The following RUFY1 variants were observed in gnomAD, a reference collection of about 807,000 sequenced individuals.
RUFY1 encodes the protein RUN and FYVE domain-containing protein 1.
Under a neutral mutation model 94.6 loss-of-function variants are expected in RUFY1, and 54 were observed. That is an observed-to-expected ratio of 0.57 (90% CI 0.46 to 0.72). RUFY1 has a LOEUF of 0.72. Among genes scored for constraint, RUFY1 ranks in the 30% least tolerant of loss-of-function variants. The pLI is 0.00. For synonymous variants in RUFY1, 396 were observed against 347.3 expected (o/e 1.14, Z -1.56); for missense variants, 883 against 883.9 (o/e 1.00, Z 0.01).
intron 1 of RUFY1, among the ~76,000 whole-genome samples, chr5:179,551,968 A>T (rs1341326209): frequency 6.6e-6 from 1 of 151,226 alleles, no homozygotes; most frequent in Non-Finnish European, 1.5e-5. Flanking sequence ...GATCGAGACC[A>T]TCCTGGCCAA....
chr5:179,609,227 A>AAAC, intron 17 of RUFY1, 149 bp from the exon 18 acceptor site: 1 of 601,086 alleles, frequency 1.7e-6, no homozygotes, highest in Non-Finnish European at 2.7e-6. Flanking sequence ...AAAAAAAAAG[A>AAAC]CCCTTGTTTG....
chr5:179,578,993 A>G (rs573065926), intron 6 of RUFY1, among the ~76,000 whole-genome samples: 1 of 152,218 alleles, frequency 6.6e-6, no homozygotes, highest in African/African-American at 2.4e-5. Flanking sequence ...TTTTACTTTC[A>G]TATGTATGCA....
At chr5:179,558,666 T>G (rs1023716336) in intron 1 of RUFY1, among the ~76,000 whole-genome samples, 1 of 152,186 alleles carries the variant, frequency 6.6e-6, no homozygotes, top group Non-Finnish European at 1.5e-5. Flanking sequence ...CTTAGGCTGT[T>G]TCTTCTTGCC....
intron 11 of RUFY1, among the ~76,000 whole-genome samples, chr5:179,594,320 C>T (rs1224515461): frequency 6.6e-6 from 1 of 150,796 alleles, no homozygotes; most frequent in African/African-American, 2.4e-5. Flanking sequence ...AAAAAAAAGT[C>T]ATTTAGTATT....
intron 1 of RUFY1, chr5:179,555,781 C>T: frequency 3.4e-6 from 1 of 291,476 alleles, no homozygotes; most frequent in Non-Finnish European, 6.8e-6. Context: ...GCATGCACCA[C>T]CACGCCCAGG....
At chr5:179,605,153 C>T (rs1386720546) in intron 15 of RUFY1, among the ~76,000 whole-genome samples, 1 of 151,914 alleles carries the variant, frequency 6.6e-6, no homozygotes, top group Non-Finnish European at 1.5e-5. Context: ...ATGGCATGCA[C>T]CTGTAGTCGC....
rs745756258 is a variant in RUFY1 at position 179,550,631 on chromosome 5, A to AGCCGGG, written c.72_77dup (p.Pro26_Gly27dup). On this transcript the variant is annotated inframe_insertion, in exon 1 of 18. Coordinates refer to ENST00000319449, the MANE Select transcript of RUFY1 (RefSeq NM_025158.5). ...GGGCGGGAGCTGGAGCCGGAGCTGG[A>AGCCGGG]GCCGGGGCCGGGGCCCGGGTCAGCG... The AGCCGGG allele has an allele frequency of 2.1e-3, 2,856 of 1,346,632 alleles. No homozygotes were observed. The highest frequency in any genetic ancestry group is 4.4e-3 in the Middle Eastern group (20 of 4,554). 83.4% of individuals were successfully genotyped at this position (1,346,632 alleles called of 1,614,324 possible).
At chr5:179,605,081 C>A (rs533296146) in intron 15 of RUFY1, among the ~76,000 whole-genome samples, 3 of 152,098 alleles carry the variant, frequency 2.0e-5, no homozygotes, top group South Asian at 4.1e-4. Flanking sequence ...GAGTTCAAGA[C>A]CAGCCTGGGC....
intron 13 of RUFY1, among the ~76,000 whole-genome samples, chr5:179,597,409 G>A (rs903309883): frequency 1.3e-5 from 2 of 152,082 alleles, no homozygotes; most frequent in Non-Finnish European, 2.9e-5. Flanking sequence ...CTAATTTTTT[G>A]TATTTTTAGT....
In RUFY1 at chr5:179,598,800, A is replaced by G; in HGVS notation, c.1740A>G (p.Gln580=). Residue 580 remains glutamine, a synonymous_variant, in exon 14 of 18, where the codon CAA becomes CAG. Coordinates refer to ENST00000319449, the MANE Select transcript of RUFY1 (RefSeq NM_025158.5). The part of the protein sequence containing the change: ...DTSSLLRMEL[Q]QVEGLKKELR... ...CCTCTCTACTCAGGATGGAGCTGCA[A>G]CAAGTGGAAGGACTGAAAAAGGTGA... 1 of 1,614,240 alleles carries G rather than the reference A, an allele frequency of 6.2e-7. No individual in the cohort carries two copies. Among genetic ancestry groups the G allele is most frequent in the Non-Finnish European group, 8.5e-7 (1 of 1,180,044 alleles).
At chr5:179,585,657 ATCT>A (rs546696773) in intron 7 of RUFY1, 136 bp from the exon 8 acceptor site, 46 of 634,434 alleles carry the variant, frequency 7.3e-5, no homozygotes, top group East Asian at 5.6e-4. Context: ...TAGAATTCTC[ATCT>A]TCTCTGAGTT....
At chr5:179,566,478 T>C (rs1021749476) in intron 3 of RUFY1, among the ~76,000 whole-genome samples, 1 of 151,962 alleles carries the variant, frequency 6.6e-6, no homozygotes, top group Non-Finnish European at 1.5e-5. Flanking sequence ...TGGTGGCAGG[T>C]GCCTGTAATC....
chr5:179,550,765 A>T lies in RUFY1; in HGVS notation c.196A>T (p.Ile66Phe). 1 of 1,408,226 alleles carries T rather than the reference A, an allele frequency of 7.1e-7. No homozygotes were observed. Among genetic ancestry groups the T allele is most frequent in the Non-Finnish European group, 9.3e-7 (1 of 1,077,376 alleles). The allele number at this position is 1,408,226 out of a possible 1,614,324, so 87.2% of individuals were successfully genotyped here. Residue 66 changes from isoleucine (I) to phenylalanine (F), a missense_variant, in exon 1 of 18, where the codon ATC (isoleucine) becomes TTC (phenylalanine). By Grantham distance (21) the Ile-to-Phe change is conservative. Coordinates refer to ENST00000319449, the MANE Select transcript of RUFY1 (RefSeq NM_025158.5). ...PRAAEGWSAP[I>F]LTLARRATGN... ...GGCGGCCGAGGGCTGGTCGGCGCCC[A>T]TCCTGACCCTGGCACGCAGGGCCAC...
At chr5:179,594,181 A>G (rs906052144) in intron 11 of RUFY1, among the ~76,000 whole-genome samples, 1 of 151,970 alleles carries the variant, frequency 6.6e-6, no homozygotes, top group Non-Finnish European at 1.5e-5. Context: ...GCACGCCTCT[A>G]ATCCCAGATA....
intron 1 of RUFY1, among the ~76,000 whole-genome samples, chr5:179,553,515 G>C (rs578242103): frequency 6.6e-6 from 1 of 152,182 alleles, no homozygotes; most frequent in Non-Finnish European, 1.5e-5. Context: ...CGGGCATGGT[G>C]GCTCACACCT....
chr5:179,562,482 C>A, intron 2 of RUFY1, 65 bp from the exon 3 acceptor site: 1 of 865,048 alleles, frequency 1.2e-6, no homozygotes, highest in Non-Finnish European at 2.0e-6. Context: ...TGGGGAGAGG[C>A]TGTGGGTCCC....
chr5:179,606,458 G>C (rs183071804), intron 16 of RUFY1: 1 of 160,106 alleles, frequency 6.2e-6, no homozygotes, highest in Non-Finnish European at 1.4e-5. Context: ...GCTGCAGGGC[G>C]GAGAGTGTGG....
Position 179,608,417 on chromosome 5 carries a change from C to T in RUFY1, c.1983+758C>T, listed in dbSNP as rs980928461. 5 of 985,400 alleles carry T rather than the reference C, an allele frequency of 5.1e-6. No homozygotes were observed. The African/African-American group carries it at 5.2e-5, about 10-fold the overall frequency. The allele number at this position is 985,400 out of a possible 1,614,324, so 61.0% of individuals were successfully genotyped here. ...CTGCCTTTGAGATCACATGTGTCTA[C>T]AAGGCCTGGCTGTCCCCATCTGTGG... On this transcript the variant is annotated intron_variant, in intron 17 of 17. Transcript: ENST00000319449.
At chr5:179,584,918 G>A (rs1379657858) in intron 7 of RUFY1, among the ~76,000 whole-genome samples, 2 of 151,978 alleles carry the variant, frequency 1.3e-5, no homozygotes, top group African/African-American at 2.4e-5. Context: ...GGCAGATCAC[G>A]AGGTCAGGAG....
Sources: gnomAD v4.1 joint callset for allele counts (sites outside exome capture counted in the v4.1 genomes callset) on GRCh38, gnomAD v4.1.1 for gene constraint, MANE v1.5 for transcripts, NCBI Gene and HGNC (gene_info 2026-07-23, HGNC 2026-07-21) for gene names.